NPHS1: variants seen among roughly 807,000 people sequenced by gnomAD.
The protein encoded by NPHS1 is NPHS1 adhesion molecule, nephrin, also known as nephrin.
A neutral mutation model predicts 139.7 loss-of-function variants in NPHS1; 107 were observed. The observed-to-expected ratio is 0.77, with a 90% confidence interval of 0.66 to 0.90. The LOEUF (loss-of-function observed/expected upper bound fraction) is 0.90, where lower values mean the gene tolerates loss of function less well. Ranked by LOEUF, NPHS1 falls within the 40% of genes least tolerant of loss-of-function variation. NPHS1 has a pLI of 0.00. For synonymous variants in NPHS1, 707 were observed against 706.6 expected, an observed-to-expected ratio of 1.00 and a Z score of -0.01; for missense variants, 1,580 against 1,654.2, an observed-to-expected ratio of 0.96 and a Z score of 0.78.
intron 23 of NPHS1, among the ~76,000 whole-genome samples, chr19:35,834,810 G>A (rs759668746): frequency 1.6e-4 from 25 of 151,866 alleles, no homozygotes; most frequent in Non-Finnish European, 2.8e-4. Context: ...AGAGGAAGCC[G>A]GGAGGTGGAG....
rs150539932 is a variant in NPHS1, at chr19:35,845,130, C to T, written c.1930+238G>A. Among the ~76,000 whole-genome samples, 125 of 152,172 alleles carry T rather than the reference C, an allele frequency of 8.2e-4. 1 individual carries two copies. The highest frequency in any genetic ancestry group is 2.9e-3 in the African/African-American group (122 of 41,510). ...AAAAAGTAAAAATAAACTAGCGAAG[C>T]GTGGTAGCGCACACCTGTAGTCTCA... On this transcript the variant is annotated intron_variant, in intron 14 of 28. Transcript: ENST00000378910. This position sits in a 1 kb window ranked among gnomAD's most constrained non-coding sequence, Gnocchi z 5.5.
At position 35,844,243 on chromosome 19, in the gene NPHS1, G is replaced by A. The variant is rs886054349; in HGVS notation, c.2072C>T (p.Ala691Val). Reference sequence around the variant, plus strand: ...CAGGATGCGATGCCGGGGGCCGCCCGCTGGGGAAGGCCAGAATAAGGGACC... The same window carrying A: ...CAGGATGCGATGCCGGGGGCCGCCCACTGGGGAAGGCCAGAATAAGGGACC... The part of the protein sequence containing the change: ...WTFRGYRLSP[A>V]GGPRHRILSS... Residue 691 changes from alanine to valine, a missense_variant and splice_region_variant, in exon 16 of 29, where the codon GCG (alanine) becomes GTG (valine). Coordinates refer to ENST00000378910, the MANE Select transcript of NPHS1 (RefSeq NM_004646.4). 5 of 1,613,364 alleles carry A rather than the reference G, an allele frequency of 3.1e-6. No individual in the cohort carries two copies. The highest frequency in any genetic ancestry group is 2.2e-5 in the East Asian group (1 of 44,886).
Position 35,848,762 on chromosome 19 carries a change from C to T in NPHS1, c.1045G>A (p.Ala349Thr). ...ACGTTCTTGTTCTCAGTCTGGGATGCAGATCCCAAGATAATAATGGCACTA... is the reference window on the plus strand; with the variant it reads ...ACGTTCTTGTTCTCAGTCTGGGATGTAGATCCCAAGATAATAATGGCACTA... ...PPSAIIILGS[A>T]SQTENKNVTL... is the part of the protein sequence containing the mutation. The change falls in exon 9 of 29, where the codon GCA becomes ACA. Residue 349 changes from alanine to threonine, a missense_variant. By Grantham distance (58) the Ala-to-Thr change is moderately conservative (BLOSUM62 0). Coordinates refer to ENST00000378910, the MANE Select transcript of NPHS1 (RefSeq NM_004646.4). 1.2e-6 allele frequency: 2 copies of T among 1,614,154 alleles called. No homozygotes were observed. The highest frequency in any genetic ancestry group is 1.7e-6 in the Non-Finnish European group (2 of 1,180,018).
intron 17 of NPHS1, among the ~76,000 whole-genome samples, chr19:35,842,804 A>G (rs1249360537): frequency 6.6e-6 from 1 of 151,872 alleles, no homozygotes; most frequent in Non-Finnish European, 1.5e-5. Flanking sequence ...CCATCCATTC[A>G]TTTATCCATC....
rs145683325 is a variant in NPHS1 at position 35,851,605 on chromosome 19, C to T, written c.126G>A (p.Thr42=). The T allele has an allele frequency of 6.2e-6, 10 of 1,613,880 alleles. No homozygotes were observed. The highest frequency in any genetic ancestry group is 2.7e-5 in the African/African-American group (2 of 74,924). The part of the protein sequence containing the change: ...RGFWALPENL[T]VVEGASVELR... ...GCTCCACTGAGGCCCCCTCCACCAC[C>T]GTCAGGTTTTCAGGCAGGGCCCAGA... The change falls in exon 2 of 29, where the codon ACG becomes ACA. Residue 42 remains threonine (T), a synonymous_variant. Transcript: ENST00000378910.
Position 35,844,471 on chromosome 19 carries a change from G to A in NPHS1, c.1931-12C>T, listed in dbSNP as rs752182068. ...GAACTCTGGACGGTCTTCAGAGGGG[G>A]CGCCGCAGGGAGTCAAGATTGTTGT... On this transcript the variant is annotated splice_polypyrimidine_tract_variant and intron_variant, in intron 14 of 28. Coordinates refer to ENST00000378910, the MANE Select transcript of NPHS1 (RefSeq NM_004646.4). The A allele has an allele frequency of 5.8e-6, 9 of 1,558,774 alleles. No homozygotes were observed. The African/African-American group carries it at 9.6e-5, about 17-fold the overall frequency.
At chr19:35,827,403 C>A (rs1972813238) in intron 28 of NPHS1, among the ~76,000 whole-genome samples, 1 of 151,908 alleles carries the variant, frequency 6.6e-6, no homozygotes, top group South Asian at 2.1e-4. Flanking sequence ...GTCAAGGCTG[C>A]AGTAAGCCAT....
chr19:35,849,464 A>G, intron 6 of NPHS1, 86 bp downstream of exon 6: 1 of 1,597,654 alleles, frequency 6.3e-7, no homozygotes, highest in African/African-American at 1.3e-5. Flanking sequence ...GAGTGCCTGA[A>G]TTTCCATAAT....
In NPHS1 at chr19:35,841,717, A is replaced by G. The variant is rs1375025169; in HGVS notation, c.2813T>C (p.Ile938Thr). The change falls in exon 20 of 29, where the codon ATC becomes ACC. Residue 938 changes from isoleucine (I) to threonine (T), a missense_variant and splice_region_variant. Ile to Thr is a moderately conservative substitution (Grantham distance 89). Transcript: ENST00000378910. The part of the protein sequence containing the change: ...SDQTNIQLVS[I>T]SRPDPPSGLK... ...ACACCCTCACAGCCCCTCCATACTG[A>G]TGCTGACAAGTTGAATGTTGGTTTG... The G allele has an allele frequency of 1.2e-6, 2 of 1,613,976 alleles. No individual in the cohort carries two copies. Among genetic ancestry groups the G allele is most frequent in the African/African-American group, 2.7e-5 (2 of 74,908 alleles).
Position 35,848,740 on chromosome 19 carries a change from T to C in NPHS1, c.1067A>G (p.Asn356Ser). 2.5e-6 allele frequency: 4 copies of C among 1,614,176 alleles called. No individual in the cohort carries two copies. The East Asian group carries it at 8.9e-5, about 36-fold the overall frequency. ...CTTGCTGACACAGGAGAGTGTCACG[T>C]TCTTGTTCTCAGTCTGGGATGCAGA... ...LGSASQTENK[N>S]VTLSCVSKSS... The change falls in exon 9 of 29, where the codon AAC (asparagine) becomes AGC (serine). Residue 356 changes from asparagine (N) to serine (S), a missense_variant. Asn to Ser is a conservative substitution (Grantham distance 46). Transcript: ENST00000378910.
Position 35,825,427 on chromosome 19 carries a change from C to G in NPHS1, c.*1087G>C, listed in dbSNP as rs960789466. Among the ~76,000 whole-genome samples, 3 of 151,820 alleles carry G rather than the reference C, an allele frequency of 2.0e-5. No homozygotes were observed. Among genetic ancestry groups the G allele is most frequent in the African/African-American group, 7.3e-5 (3 of 41,300 alleles). Reference sequence around the variant, plus strand: ...TCATTTATGTACAATAAAAATGCACCCATCTTAAGTGTAAAGTTCAATGAG... The same window carrying G: ...TCATTTATGTACAATAAAAATGCACGCATCTTAAGTGTAAAGTTCAATGAG... On this transcript the variant is annotated 3_prime_UTR_variant, in exon 29 of 29. Coordinates refer to ENST00000378910, the MANE Select transcript of NPHS1 (RefSeq NM_004646.4).
At chr19:35,850,890 T>G in intron 4 of NPHS1, 71 bp downstream of exon 4, 1 of 1,586,254 alleles carries the variant, frequency 6.3e-7, no homozygotes, top group Non-Finnish European at 8.6e-7. Context: ...AGGGTACTGG[T>G]CAGGAACACA....
Position 35,831,609 on chromosome 19 carries a change from G to C in NPHS1, c.3286+34C>G, listed in dbSNP as rs750091635. ...CCACAGGGTTCCCTATCACCCTCGG[G>C]TCTCCACCCTGGCAGGGAAGGGTCT... is the stretch of plus-strand genomic sequence containing the variant. On this transcript the variant is annotated intron_variant, in intron 24 of 28. Transcript: ENST00000378910. 37 of 1,612,950 alleles carry C rather than the reference G, an allele frequency of 2.3e-5. No individual in the cohort carries two copies. In the East Asian group the frequency reaches 7.4e-4, roughly 32 times the overall value.
intron 22 of NPHS1, among the ~76,000 whole-genome samples, chr19:35,836,606 G>A (rs1349689128): frequency 6.6e-6 from 1 of 152,080 alleles, no homozygotes; most frequent in African/African-American, 2.4e-5. Flanking sequence ...ACTGGAGTGG[G>A]GTGGGGGGAA....
chr19:35,838,050 G>C (rs1282832317), intron 22 of NPHS1, among the ~76,000 whole-genome samples: 2 of 141,328 alleles, frequency 1.4e-5, no homozygotes. Flanking sequence ...TCAGGAGTTC[G>C]AGATCAGCCT....
Position 35,846,048 on chromosome 19 carries a change from C to T in NPHS1, c.1587G>A (p.Lys529=). ...GCGTGGACGCGCTGAGCTGTCCAGC[C>T]TTGCACGTGAACTTGGCCTGGTTGT... ...PSDNQAKFTC[K]AGQLSASTQL... Residue 529 remains lysine (K), a synonymous_variant, in exon 12 of 29, where the codon AAG becomes AAA. Transcript: ENST00000378910. 6.3e-7 allele frequency: 1 copy of T among 1,595,316 alleles called. No homozygotes were observed. The highest frequency in any genetic ancestry group is 8.5e-7 in the Non-Finnish European group (1 of 1,171,190).
At chr19:35,850,629 A>G (rs1724118880) in intron 4 of NPHS1, among the ~76,000 whole-genome samples, 184 bp from the exon 5 acceptor site, 2 of 152,146 alleles carry the variant, frequency 1.3e-5, no homozygotes, top group African/African-American at 4.8e-5. Flanking sequence ...CGCAGTCTTC[A>G]GTGCTGGGTC....
rs1228286919 is a variant in NPHS1 at position 35,827,778 on chromosome 19, A to G, written c.3595-1133T>C. On this transcript the variant is annotated intron_variant, in intron 28 of 28. Coordinates refer to ENST00000378910, the MANE Select transcript of NPHS1 (RefSeq NM_004646.4). ...CTAAAAATACAAAAATTAGCCGGGC[A>G]TGATGGTGCATGCCTGTAATCCCAG... 6.6e-4 allele frequency among the ~76,000 whole-genome samples: 101 copies of G among 152,194 alleles called. 1 individual carries two copies. Among genetic ancestry groups the G allele is most frequent in the Non-Finnish European group, 1.5e-4 (10 of 68,006 alleles).
chr19:35,846,176 C>G lies in NPHS1; in HGVS notation c.1459G>C (p.Glu487Gln). ...CGCGACTCCTGCGGCAGCCGCGACT[C>G]GGTCACGGTGCGCGAGTCCTACGGG... ...MWYKDSRTVT[E>Q]SRLPQESRRV... is the part of the protein sequence containing the mutation. The change falls in exon 12 of 29, where the codon GAG becomes CAG. Residue 487 changes from glutamate (E) to glutamine (Q), a missense_variant. Coordinates refer to ENST00000378910, the MANE Select transcript of NPHS1 (RefSeq NM_004646.4). 1 of 1,593,728 alleles carries G rather than the reference C, an allele frequency of 6.3e-7. No homozygotes were observed.
Sources: allele counts gnomAD v4.1 joint callset (sites outside exome capture counted in the v4.1 genomes callset), GRCh38; gene constraint gnomAD v4.1.1; non-coding constraint Gnocchi (gnomAD v3.1); transcripts MANE v1.5; gene names NCBI Gene and HGNC (gene_info 2026-07-23, HGNC 2026-07-21).